The following ADCY2 variants were observed in gnomAD, a reference collection of about 807,000 sequenced individuals.
ADCY2 encodes adenylate cyclase 2.
In ADCY2, 31 loss-of-function variants were observed where a neutral mutation model predicts 125.2. The ratio of observed to expected loss-of-function variants is 0.25; its 90% confidence interval spans 0.19 to 0.33. ADCY2 has a LOEUF of 0.33. Ranked by LOEUF, ADCY2 falls within the 10% of genes least tolerant of loss-of-function variation. The probability of loss-of-function intolerance (pLI) is 1.00; values close to 1 mark genes in which losing one functional copy is unlikely to be tolerated. For missense variants in ADCY2, 904 were observed against 1,418.2 expected (o/e 0.64, Z 5.82); for synonymous variants, 512 against 548.4 (o/e 0.93, Z 0.93).
intron 4 of ADCY2, among the ~76,000 whole-genome samples, chr5:7,632,569 A>T (rs1738351748): frequency 6.6e-6 from 1 of 152,168 alleles, no homozygotes; most frequent in Non-Finnish European, 1.5e-5. Context: ...CTACACATAC[A>T]CTTTACTTGA....
In ADCY2 at chr5:7,517,603, C is replaced by T. The variant is rs114306294; in HGVS notation, c.409-3135C>T. 3.1e-3 allele frequency among the ~76,000 whole-genome samples: 466 copies of T among 152,276 alleles called. 1 individual carries two copies. Among genetic ancestry groups the T allele is most frequent in the South Asian group, 5.4e-3 (26 of 4,822 alleles). On this transcript the variant is annotated intron_variant, in intron 2 of 24. Transcript: ENST00000338316. The stretch of plus-strand genomic sequence containing the variant: ...TAGCCAAACTCCTGAAATGCTACCA[C>T]GGAAACCTCTGATTTGATTTAATGC...
chr5:7,581,382 A>C (rs1736426440), intron 3 of ADCY2, among the ~76,000 whole-genome samples: 1 of 152,208 alleles, frequency 6.6e-6, no homozygotes, highest in Non-Finnish European at 1.5e-5. Context: ...CAGGATTCTC[A>C]TATTAGGTGT....
At chr5:7,727,368 G>T in intron 14 of ADCY2, 107 bp downstream of exon 14, 1 of 894,302 alleles carries the variant, frequency 1.1e-6, no homozygotes, top group Non-Finnish European at 1.7e-6. Context: ...ACAGAGGGGT[G>T]ATTTAATGTC....
intron 18 of ADCY2, among the ~76,000 whole-genome samples, chr5:7,781,506 G>T (rs1399765085): frequency 1.3e-5 from 2 of 152,206 alleles, no homozygotes; most frequent in African/African-American, 4.8e-5. Flanking sequence ...AGGGATTGGA[G>T]TCATGTGGTG....
intron 7 of ADCY2, among the ~76,000 whole-genome samples, chr5:7,706,188 A>AT (rs902194735): frequency 2.6e-5 from 4 of 152,098 alleles, no homozygotes; most frequent in Non-Finnish European, 4.4e-5. Flanking sequence ...CCTAAGAAGT[A>AT]TTTTTTCTCT....
At chr5:7,490,642 C>T (rs554202239) in intron 2 of ADCY2, among the ~76,000 whole-genome samples, 1 of 151,998 alleles carries the variant, frequency 6.6e-6, no homozygotes, top group East Asian at 1.9e-4. Context: ...AACACACACG[C>T]ACACACACAC....
chr5:7,601,499 C>T (rs1464402832), intron 3 of ADCY2, among the ~76,000 whole-genome samples: 2 of 152,282 alleles, frequency 1.3e-5, no homozygotes, highest in Non-Finnish European at 2.9e-5. Flanking sequence ...CAAACTCTCA[C>T]CTTCAAGCCA....
At chr5:7,454,553 C>CT (rs1372201429) in intron 2 of ADCY2, among the ~76,000 whole-genome samples, 4 of 152,102 alleles carry the variant, frequency 2.6e-5, no homozygotes, top group Non-Finnish European at 1.5e-5. Context: ...GTGAACACTT[C>CT]TTTTTTCATA....
At chr5:7,548,266 C>A (rs1402476834) in intron 3 of ADCY2, among the ~76,000 whole-genome samples, 4 of 151,886 alleles carry the variant, frequency 2.6e-5, no homozygotes, top group Admixed American at 2.6e-4. Flanking sequence ...ATAGCATTAT[C>A]TACTTAAAGT....
chr5:7,589,458 A>AAAAGAAAGAAAG (rs369587426), intron 3 of ADCY2, among the ~76,000 whole-genome samples: 3,311 of 72,896 alleles, frequency 0.045, 141 homozygotes, highest in African/African-American at 0.057. Flanking sequence ...GAAGGAAAGA[A>AAAAGAAAGAAAG]AAAGAAAGAA....
chr5:7,802,113 G>T lies in ADCY2; in HGVS notation c.2629-105G>T. The T allele has an allele frequency of 7.4e-7, 1 of 1,350,324 alleles. No homozygotes were observed. The highest frequency in any genetic ancestry group is 2.0e-5 in the Admixed American group (1 of 49,500). The allele number at this position is 1,350,324 out of a possible 1,614,324, so 83.6% of individuals were successfully genotyped here. A position where few individuals can be genotyped will look rare whatever the true frequency, so the allele number is the denominator to read the frequency against. On this transcript the variant is annotated intron_variant, in intron 20 of 24. Coordinates refer to ENST00000338316, the MANE Select transcript of ADCY2 (RefSeq NM_020546.3). This position sits in a 1 kb window ranked among gnomAD's most constrained non-coding sequence, Gnocchi z 4.6. ...TGGGGCAAGTGGAGTAGGCATTTGG[G>T]CGATGTCTGTGTGAATCCTGGCATA... is the stretch of plus-strand genomic sequence containing the variant.
intron 2 of ADCY2, among the ~76,000 whole-genome samples, chr5:7,463,677 A>G (rs1742004693): frequency 6.6e-6 from 1 of 152,154 alleles, no homozygotes; most frequent in Non-Finnish European, 1.5e-5. Context: ...CTAAGCATGT[A>G]AATGTCTCTA....
intron 17 of ADCY2, among the ~76,000 whole-genome samples, chr5:7,769,580 A>G (rs1579414383): frequency 6.6e-6 from 1 of 152,290 alleles, no homozygotes; most frequent in East Asian, 1.9e-4. Context: ...ATATTTCCCA[A>G]TTTTTAACAT....
chr5:7,667,700 T>C (rs1739806551), intron 4 of ADCY2, among the ~76,000 whole-genome samples: 1 of 152,258 alleles, frequency 6.6e-6, no homozygotes, highest in Admixed American at 6.5e-5. Context: ...TAAATTTTCA[T>C]TGCCTTTAAG....
chr5:7,579,318 A>C (rs7727917), intron 3 of ADCY2, among the ~76,000 whole-genome samples: 90,414 of 152,056 alleles, frequency 0.59, 28,088 homozygotes, highest in Non-Finnish European at 0.69. Context: ...GGATGGATAA[A>C]ATTTTAAAAA....
chr5:7,708,475 C>A (rs372092796), intron 9 of ADCY2, among the ~76,000 whole-genome samples: 1 of 152,096 alleles, frequency 6.6e-6, no homozygotes, highest in African/African-American at 2.4e-5. Flanking sequence ...TTTCTTTTAA[C>A]CCTTCTCAAA....
chr5:7,481,298 C>A (rs252544), intron 2 of ADCY2, among the ~76,000 whole-genome samples: 3,780 of 151,914 alleles, frequency 0.025, 154 homozygotes, highest in African/African-American at 0.085. Flanking sequence ...ACAGAGTCTC[C>A]CTCTGTCACC....
At chr5:7,601,881 A>G (rs551636107) in intron 3 of ADCY2, among the ~76,000 whole-genome samples, 4 of 152,250 alleles carry the variant, frequency 2.6e-5, no homozygotes, top group African/African-American at 9.6e-5. Flanking sequence ...TTACAACGTG[A>G]CATTTGCTCT....
intron 3 of ADCY2, among the ~76,000 whole-genome samples, chr5:7,543,471 T>C (rs1735056476): frequency 6.6e-6 from 1 of 152,196 alleles, no homozygotes; most frequent in Admixed American, 6.5e-5. Flanking sequence ...AAATCCTAAA[T>C]TTTATTTTCA....
Sources: allele counts gnomAD v4.1 joint callset (sites outside exome capture counted in the v4.1 genomes callset), GRCh38; gene constraint gnomAD v4.1.1; non-coding constraint Gnocchi (gnomAD v3.1); transcripts MANE v1.5; gene names NCBI Gene and HGNC (gene_info 2026-07-23, HGNC 2026-07-21).